The following TFAP2A variants were observed in gnomAD, a reference collection of about 807,000 sequenced individuals.
The protein encoded by TFAP2A is transcription factor AP-2 alpha.
Under a neutral mutation model 41.5 loss-of-function variants are expected in TFAP2A, and 7 were observed. The observed-to-expected ratio is 0.17, with a 90% confidence interval of 0.10 to 0.32. TFAP2A has a LOEUF of 0.32. Ranked by LOEUF, TFAP2A falls within the 10% of genes least tolerant of loss-of-function variation. The probability of loss-of-function intolerance (pLI) is 1.00; values close to 1 mark genes in which losing one functional copy is unlikely to be tolerated. For synonymous variants in TFAP2A, 247 were observed against 242.8 expected (o/e 1.02, Z -0.16); for missense variants, 416 against 563.3 (o/e 0.74, Z 2.65).
intron 5 of TFAP2A, among the ~76,000 whole-genome samples, chr6:10,401,529 A>G (rs1366037760): frequency 6.6e-6 from 1 of 152,260 alleles, no homozygotes. Flanking sequence ...GGTTTTAAAC[A>G]TTTTAAAAAA....
intron 4 of TFAP2A, among the ~76,000 whole-genome samples, chr6:10,404,002 C>T (rs1344551131): frequency 1.3e-5 from 2 of 152,186 alleles, no homozygotes; most frequent in Non-Finnish European, 2.9e-5. Context: ...CATTCTCTTC[C>T]TTTAGTTAAA....
chr6:10,408,748 G>A (rs1011358449), intron 2 of TFAP2A, among the ~76,000 whole-genome samples: 5 of 152,224 alleles, frequency 3.3e-5, no homozygotes, highest in African/African-American at 9.6e-5. Flanking sequence ...TGGGCCAAAT[G>A]AGAGATGTAA....
At chr6:10,401,295 G>C (rs1179734860) in intron 5 of TFAP2A, among the ~76,000 whole-genome samples, 1 of 152,196 alleles carries the variant, frequency 6.6e-6, no homozygotes, top group Non-Finnish European at 1.5e-5. Flanking sequence ...AAACCCAGAC[G>C]AACTCCACGC....
At chr6:10,414,462 AAAG>A (rs1758155320) in intron 1 of TFAP2A, 2 of 269,908 alleles carry the variant, frequency 7.4e-6, no homozygotes, top group Non-Finnish European at 1.5e-5. Flanking sequence ...TGGGGGGAAG[AAAG>A]AATGAATGAA....
chr6:10,417,773 C>T (rs957631982), upstream of TFAP2A, among the ~76,000 whole-genome samples: 15 of 152,200 alleles, frequency 9.9e-5, no homozygotes, highest in African/African-American at 3.6e-4. Context: ...AATCCGCTCG[C>T]CCCACCCGAG....
intron 1 of TFAP2A, 101 bp from the exon 2 acceptor site, chr6:10,410,436 C>A (rs1757912484): frequency 7.9e-7 from 1 of 1,272,660 alleles, no homozygotes; most frequent in African/African-American, 1.5e-5. Context: ...GGAAATCGCC[C>A]GTTCCCGTTG....
rs781630462 is a variant in TFAP2A at position 10,402,584 on chromosome 6, G to A, written c.797C>T (p.Ser266Phe). The change falls in exon 5 of 7, where the codon TCT (serine) becomes TTT (phenylalanine). Residue 266 changes from serine to phenylalanine, a missense_variant. Transcript: ENST00000379613. ...TATTTTGTCCAGTTTTTCTCTTAAA[G>A]ATCTTCCTCCATTTTTAGACTTCGC... Reference protein sequence around the residue: ...RRAKSKNGGRSLREKLDKIGL... With the variant: ...RRAKSKNGGRFLREKLDKIGL... 1 of 1,613,960 alleles carries A rather than the reference G, an allele frequency of 6.2e-7. No individual in the cohort carries two copies. The highest frequency in any genetic ancestry group is 1.3e-5 in the African/African-American group (1 of 75,038).
intron 2 of TFAP2A, chr6:10,409,636 T>C: frequency 2.0e-6 from 1 of 489,444 alleles, no homozygotes; most frequent in African/African-American, 1.9e-5. Flanking sequence ...AATGGTGACA[T>C]TCGTCTGATT....
At chr6:10,419,574 G>T, upstream of TFAP2A, 1 of 1,276,356 alleles carries the variant, frequency 7.8e-7, no homozygotes, top group Non-Finnish European at 1.1e-6. Context: ...CATCTCACCT[G>T]GTCATAAAGA....
upstream of TFAP2A, chr6:10,415,118 G>A: frequency 1.3e-6 from 2 of 1,582,244 alleles, no homozygotes; most frequent in Non-Finnish European, 1.7e-6. Flanking sequence ...AGGAGGTGGA[G>A]GAGGAGAAGG....
intron 1 of TFAP2A, chr6:10,411,618 G>A (rs376803049): frequency 3.3e-5 from 54 of 1,613,916 alleles, no homozygotes; most frequent in African/African-American, 3.2e-4. Flanking sequence ...CTGGGGTAAC[G>A]AGTCAGGGTG....
chr6:10,399,920 C>G (rs369238730), intron 6 of TFAP2A, among the ~76,000 whole-genome samples: 1,447 of 117,886 alleles, frequency 0.012, 8 homozygotes, highest in Middle Eastern at 0.05. Context: ...CTCTCTCTCT[C>G]TGTCTGTGTG....
chr6:10,418,155 G>A (rs532182121), upstream of TFAP2A: 3 of 152,274 alleles, frequency 2.0e-5, no homozygotes, highest in South Asian at 2.1e-4. Context: ...CTAAACTTGC[G>A]GATGAAATAC....
intron 1 of TFAP2A, 83 bp from the exon 2 acceptor site, chr6:10,410,418 T>A: frequency 7.0e-7 from 1 of 1,419,136 alleles, no homozygotes. Context: ...ACTTGACAAG[T>A]CTGCGTGGGA....
In TFAP2A at chr6:10,414,968, C is replaced by G; in HGVS notation, c.24G>C (p.Thr8=). 2 of 1,614,012 alleles carry G rather than the reference C, an allele frequency of 1.2e-6. No individual in the cohort carries two copies. The highest frequency in any genetic ancestry group is 1.7e-6 in the Non-Finnish European group (2 of 1,180,020). MKMLWKL[T]DNIKYEDCED... is the part of the protein sequence containing the mutation. ...CGCAGTCCTCGTACTTGATATTATCCGTCAATTTCCAAAGCATTTTCATGG... is the reference window on the plus strand; with the variant it reads ...CGCAGTCCTCGTACTTGATATTATCGGTCAATTTCCAAAGCATTTTCATGG... Residue 8 remains threonine (T), a synonymous_variant, in exon 1 of 7, where the codon ACG becomes ACC. Transcript: ENST00000379613.
chr6:10,410,892 GGTCT>G (rs1170074790), intron 1 of TFAP2A: 5 of 160,198 alleles, frequency 3.1e-5, no homozygotes, highest in Non-Finnish European at 1.4e-5. Context: ...GCAGGATCGG[GGTCT>G]GTCTTTTTCG....
chr6:10,414,597 G>A (rs1758163122), intron 1 of TFAP2A: 1 of 484,174 alleles, frequency 2.1e-6, no homozygotes, highest in South Asian at 2.2e-5. Context: ...TCTCGATGAA[G>A]ATAACACGAG....
intron 2 of TFAP2A, 131 bp from the exon 3 acceptor site, chr6:10,406,975 T>C (rs1757743406): frequency 1.3e-6 from 1 of 782,040 alleles, no homozygotes; most frequent in African/African-American, 1.7e-5. Flanking sequence ...CATTTATATA[T>C]AAACATCTCA....
chr6:10,413,616 T>C (rs1758097853), intron 1 of TFAP2A, among the ~76,000 whole-genome samples: 1 of 152,098 alleles, frequency 6.6e-6, no homozygotes. Context: ...GCGCCCCTCC[T>C]CTAGCGCGAC....
Sources: allele counts gnomAD v4.1 joint callset (sites outside exome capture counted in the v4.1 genomes callset), GRCh38; gene constraint gnomAD v4.1.1; transcripts MANE v1.5; gene names NCBI Gene and HGNC (gene_info 2026-07-23, HGNC 2026-07-21).